Variants in KLHL34 observed in about 807,000 individuals in gnomAD.
KLHL34 encodes kelch like family member 34.
KLHL34 carries 24 observed loss-of-function variants against 23.8 expected under a neutral mutation model. The ratio of observed to expected loss-of-function variants is 1.01; its 90% CI spans 0.73 to 1.42. The LOEUF (loss-of-function observed/expected upper bound fraction) is 1.42, where lower values mean the gene tolerates loss of function less well. KLHL34 is among the 40% of genes most tolerant of loss of function. The pLI, the probability that KLHL34 is intolerant of heterozygous loss-of-function variation, is 0.00. For synonymous variants in KLHL34, 303 were observed against 287.9 expected (o/e 1.05, Z -0.53); for missense variants, 652 against 595.1 (o/e 1.10, Z -0.99).
chrX:21,655,348 C>T lies in KLHL34; in HGVS notation c.*506G>A, dbSNP rs1314227491. 9.0e-6 allele frequency: 1 copy of T among 111,204 alleles called. No homozygotes were observed. The highest frequency in any genetic ancestry group is 1.9e-5 in the Non-Finnish European group (1 of 53,484). 9.2% of individuals were successfully genotyped at this position (111,204 alleles called of 1,213,427 possible). A position where few individuals can be genotyped will look rare whatever the true frequency, so the allele number is the denominator to read the frequency against. On this transcript the variant is annotated 3_prime_UTR_variant, in exon 1 of 1. Transcript: ENST00000379499. ...CTTACAATGATTTCATGGTATTTAA[C>T]CAAGGCACTCTCCTTTCACTATTTA...
At position 21,657,496 on chromosome X, in the gene KLHL34, G is replaced by C; in HGVS notation, c.293C>G (p.Thr98Ser). The C allele has an allele frequency of 8.3e-7, 1 of 1,211,589 alleles. No individual in the cohort carries two copies. The highest frequency in any genetic ancestry group is 1.1e-6 in the Non-Finnish European group (1 of 895,453). ...YTAWLSLSMD[T>S]VEDTLEAASY... ...GGCGGCCTCCAGAGTGTCCTCTACAGTGTCCATGGAAAGCGACAGCCAGGC... is the reference window on the plus strand; with the variant it reads ...GGCGGCCTCCAGAGTGTCCTCTACACTGTCCATGGAAAGCGACAGCCAGGC... The change falls in exon 1 of 1, where the codon ACT (threonine) becomes AGT (serine). Residue 98 changes from threonine (T) to serine (S), a missense_variant. Thr to Ser is a moderately conservative substitution (Grantham distance 58). Coordinates refer to ENST00000379499, the MANE Select transcript of KLHL34 (RefSeq NM_153270.3).
Position 21,656,222 on chromosome X carries a change from C to A in KLHL34, c.1567G>T (p.Val523Leu). The A allele has an allele frequency of 8.4e-7, 1 of 1,192,262 alleles. No homozygotes were observed. The highest frequency in any genetic ancestry group is 1.1e-6 in the Non-Finnish European group (1 of 885,731). Residue 523 changes from valine to leucine, a missense_variant, in exon 1 of 1, where the codon GTG becomes TTG. By Grantham distance (32) the Val-to-Leu change is conservative. Transcript: ENST00000379499. ...AAAGCAAACACAGCGCCGCGCAGCACTGCCATGTGGTGCCCGAAACGTGCG... is the reference window on the plus strand; with the variant it reads ...AAAGCAAACACAGCGCCGCGCAGCAATGCCATGTGGTGCCCGAAACGTGCG... ...GTARFGHHMAVLRGAVFAFLG... is the reference protein window; with the variant it reads ...GTARFGHHMALLRGAVFAFLG...
rs745719849 is a variant in KLHL34, at chrX:21,657,753, G to A, written c.36C>T (p.Gly12=). ...SYFLSYCKAH[G]GALLTGYQAL... ...CCTGGTAGCCGGTGAGCAGCGCGCC[G>A]CCATGAGCTTTGCAGTAAGACAGGA... The change falls in exon 1 of 1, where the codon GGC becomes GGT. Residue 12 remains glycine (G), a synonymous_variant. Transcript: ENST00000379499. 8.3e-7 allele frequency: 1 copy of A among 1,200,520 alleles called. No individual in the cohort carries two copies.
In KLHL34 at chrX:21,656,166, G is replaced by C. The variant is rs750846579; in HGVS notation, c.1623C>G (p.Ile541Met). ...GGTCGGCGCCGGGGTCGTAGCGCTCGATCTCAGAGAAGGGCTCGTATCGCC... is the reference window on the plus strand; with the variant it reads ...GGTCGGCGCCGGGGTCGTAGCGCTCCATCTCAGAGAAGGGCTCGTATCGCC... Reference protein sequence around the residue: ...FLGRYEPFSEIERYDPGADQW... With the variant: ...FLGRYEPFSEMERYDPGADQW... Residue 541 changes from isoleucine (I) to methionine (M), a missense_variant, in exon 1 of 1, where the codon ATC (isoleucine) becomes ATG (methionine). By Grantham distance (10) the Ile-to-Met change is conservative. Coordinates refer to ENST00000379499, the MANE Select transcript of KLHL34 (RefSeq NM_153270.3). The C allele has an allele frequency of 5.2e-5, 61 of 1,173,591 alleles. No individual in the cohort carries two copies. In the Middle Eastern group the frequency reaches 7.0e-4, roughly 13 times the overall value.
In KLHL34 at chrX:21,657,987, A is replaced by C; in HGVS notation, c.-199T>G. 3 of 564,195 alleles carry C rather than the reference A, an allele frequency of 5.3e-6. No individual in the cohort carries two copies. The highest frequency in any genetic ancestry group is 7.8e-6 in the Non-Finnish European group (3 of 385,277). 46.5% of individuals were successfully genotyped at this position (564,195 alleles called of 1,213,427 possible). Reference sequence around the variant, plus strand: ...TCGCCCAGTGCCCCTCTCAGAGCAAATCCAGTCTGGAAACGGTTTTCGGAG... The same window carrying C: ...TCGCCCAGTGCCCCTCTCAGAGCAACTCCAGTCTGGAAACGGTTTTCGGAG... On this transcript the variant is annotated 5_prime_UTR_variant, in exon 1 of 1. Transcript: ENST00000379499.
rs1436234493 is a variant in KLHL34, at chrX:21,655,998, G to C, written c.1791C>G (p.Leu597=). 21 of 1,208,222 alleles carry C rather than the reference G, an allele frequency of 1.7e-5. No individual in the cohort carries two copies. The highest frequency in any genetic ancestry group is 2.3e-5 in the Non-Finnish European group (21 of 894,420). Residue 597 remains leucine, a synonymous_variant, in exon 1 of 1, where the codon CTC becomes CTG. Coordinates refer to ENST00000379499, the MANE Select transcript of KLHL34 (RefSeq NM_153270.3). Reference sequence around the variant, plus strand: ...CGATGTCCTCCCAACGGTCCAGGTCGAGGTCGTAGCCCACTACGTTGCGGG... The same window carrying C: ...CGATGTCCTCCCAACGGTCCAGGTCCAGGTCGTAGCCCACTACGTTGCGGG... ...VPTRNVVGYD[L]DLDRWEDIGC... is the part of the protein sequence containing the mutation.
At position 21,657,618 on chromosome X, in the gene KLHL34, C is replaced by A; in HGVS notation, c.171G>T (p.Leu57=). The change falls in exon 1 of 1, where the codon CTG becomes CTT. Residue 57 remains leucine, a synonymous_variant. Transcript: ENST00000379499. ...LACSSDYFRA[L]FKSHTQESRA... ...GGGATTCCTGGGTGTGGCTCTTGAACAGGGCCCTGAAGTAGTCACTGGAGC... is the reference window on the plus strand; with the variant it reads ...GGGATTCCTGGGTGTGGCTCTTGAAAAGGGCCCTGAAGTAGTCACTGGAGC... The A allele has an allele frequency of 8.3e-7, 1 of 1,209,661 alleles. No individual in the cohort carries two copies. The highest frequency in any genetic ancestry group is 1.1e-6 in the Non-Finnish European group (1 of 895,201).
rs954202139 is a variant in KLHL34, at chrX:21,656,919, T to A, written c.870A>T (p.Ala290=). 2.2e-5 allele frequency: 25 copies of A among 1,159,005 alleles called. No individual in the cohort carries two copies. Among genetic ancestry groups the A allele is most frequent in the Admixed American group, 2.5e-5 (1 of 40,167 alleles). ...CGACCTCCTCAATCACCACCTCCCGTGCCCTGCGCCCCCCCACCAACAAGA... is the reference window on the plus strand; with the variant it reads ...CGACCTCCTCAATCACCACCTCCCGAGCCCTGCGCCCCCCCACCAACAAGA... ...TRILLVGGRR[A]REVVIEEVAA... is the part of the protein sequence containing the mutation. Residue 290 remains alanine (A), a synonymous_variant, in exon 1 of 1, where the codon GCA becomes GCT. Coordinates refer to ENST00000379499, the MANE Select transcript of KLHL34 (RefSeq NM_153270.3).
chrX:21,656,397 G>A lies in KLHL34; in HGVS notation c.1392C>T (p.His464=), dbSNP rs770766945. Residue 464 remains histidine, a synonymous_variant, in exon 1 of 1, where the codon CAC becomes CAT. Transcript: ENST00000379499. The part of the protein sequence containing the change: ...TAAGALPRAL[H]GHAGAVGDRG... ...GGTCCCCGACGGCCCCCGCGTGACC[G>A]TGCAGAGCCCGCGGTAGTGCCCCAG... 1 of 1,195,897 alleles carries A rather than the reference G, an allele frequency of 8.4e-7. No individual in the cohort carries two copies.
rs1187441024 is a variant in KLHL34, at chrX:21,657,351, C to G, written c.438G>C (p.Thr146=). The change falls in exon 1 of 1, where the codon ACG becomes ACC. Residue 146 remains threonine (T), a synonymous_variant. Transcript: ENST00000379499. Reference sequence around the variant, plus strand: ...CGATGCAGCGCTCGGCCGCGTCCAGCGTGTGAGCCAGGCCAAAGCGCGCTG... The same window carrying G: ...CGATGCAGCGCTCGGCCGCGTCCAGGGTGTGAGCCAGGCCAAAGCGCGCTG... ...NVAARFGLAH[T]LDAAERCIVS... 3 of 1,159,865 alleles carry G rather than the reference C, an allele frequency of 2.6e-6. No individual in the cohort carries two copies. Among genetic ancestry groups the G allele is most frequent in the Non-Finnish European group, 3.4e-6 (3 of 870,264 alleles).
chrX:21,657,214 G>A lies in KLHL34; in HGVS notation c.575C>T (p.Pro192Leu). The change falls in exon 1 of 1, where the codon CCC (proline) becomes CTC (leucine). Residue 192 changes from proline to leucine, a missense_variant. Pro to Leu is a moderately conservative substitution (Grantham distance 98). Coordinates refer to ENST00000379499, the MANE Select transcript of KLHL34 (RefSeq NM_153270.3). ...CGCCAGGCCCAGTAGCCGGGCCTCG[G>A]GCACCCGCGCCACGTCGGGGGCACC... ...VLGAPDVARVPEARLLGLALA... is the reference protein window; with the variant it reads ...VLGAPDVARVLEARLLGLALA... 1 of 1,197,839 alleles carries A rather than the reference G, an allele frequency of 8.3e-7. No homozygotes were observed. Among genetic ancestry groups the A allele is most frequent in the South Asian group, 1.8e-5 (1 of 55,075 alleles).
chrX:21,655,844 A>G lies in KLHL34; in HGVS notation c.*10T>C. 1 of 1,166,617 alleles carries G rather than the reference A, an allele frequency of 8.6e-7. No individual in the cohort carries two copies. Among genetic ancestry groups the G allele is most frequent in the Non-Finnish European group, 1.1e-6 (1 of 871,483 alleles). On this transcript the variant is annotated 3_prime_UTR_variant, in exon 1 of 1. Coordinates refer to ENST00000379499, the MANE Select transcript of KLHL34 (RefSeq NM_153270.3). ...CTCCTCCATTGCGGAAGGAAACCGG[A>G]CTGACCCATTCAGCCCAGCACCAAA...
chrX:21,656,633 C>T lies in KLHL34; in HGVS notation c.1156G>A (p.Asp386Asn), dbSNP rs376925949. 6.6e-6 allele frequency: 8 copies of T among 1,210,907 alleles called. No homozygotes were observed. Among genetic ancestry groups the T allele is most frequent in the East Asian group, 3.0e-5 (1 of 33,824 alleles). ...PSGSASSPLADDSRVVTAQVH... is the reference protein window; with the variant it reads ...PSGSASSPLANDSRVVTAQVH... The stretch of plus-strand genomic sequence containing the variant: ...TGGGCCGTGACCACCCGCGAGTCGT[C>T]GGCCAGGGGAGAGGATGCACTGCCG... The change falls in exon 1 of 1, where the codon GAC becomes AAC. Residue 386 changes from aspartate (D) to asparagine (N), a missense_variant. Coordinates refer to ENST00000379499, the MANE Select transcript of KLHL34 (RefSeq NM_153270.3).
Position 21,657,651 on chromosome X carries a change from G to A in KLHL34, c.138C>T (p.Leu46=). The change falls in exon 1 of 1, where the codon CTC becomes CTT. Residue 46 remains leucine, a synonymous_variant. Transcript: ENST00000379499. ...TGAAGTAGTCACTGGAGCACGCCAG[G>A]AGCGACCTGTGCGCCGGGAATTCGC... ...EGSEFPAHRS[L]LACSSDYFRA... The A allele has an allele frequency of 8.3e-7, 1 of 1,207,892 alleles. No individual in the cohort carries two copies. The highest frequency in any genetic ancestry group is 1.1e-6 in the Non-Finnish European group (1 of 895,084).
In KLHL34 at chrX:21,655,798, A is replaced by C; in HGVS notation, c.*56T>G. 1 of 1,120,185 alleles carries C rather than the reference A, an allele frequency of 8.9e-7. No individual in the cohort carries two copies. The highest frequency in any genetic ancestry group is 1.2e-6 in the Non-Finnish European group (1 of 850,712). 92.3% of individuals were successfully genotyped at this position (1,120,185 alleles called of 1,213,427 possible). A position where few individuals can be genotyped will look rare whatever the true frequency, so the allele number is the denominator to read the frequency against. ...GAAAAAGCCCATCCGTTGCTCTGTA[A>C]GACTAACCAAGCGCGACTTTCTCCT... On this transcript the variant is annotated 3_prime_UTR_variant, in exon 1 of 1. Coordinates refer to ENST00000379499, the MANE Select transcript of KLHL34 (RefSeq NM_153270.3).
chrX:21,657,309 C>A lies in KLHL34; in HGVS notation c.480G>T (p.Glu160Asp). The A allele has an allele frequency of 8.6e-7, 1 of 1,158,693 alleles. No individual in the cohort carries two copies. The highest frequency in any genetic ancestry group is 1.1e-6 in the Non-Finnish European group (1 of 870,972). The change falls in exon 1 of 1, where the codon GAG (glutamate) becomes GAT (aspartate). Residue 160 changes from glutamate to aspartate, a missense_variant. Coordinates refer to ENST00000379499, the MANE Select transcript of KLHL34 (RefSeq NM_153270.3). Reference protein sequence around the residue: ...AERCIVSHLQELLARGAGPAG... With the variant: ...AERCIVSHLQDLLARGAGPAG... ...CGGGGCCCGCGCCCCGCGCCAGCAGCTCCTGCAAGTGGCTCACGATGCAGC... is the reference window on the plus strand; with the variant it reads ...CGGGGCCCGCGCCCCGCGCCAGCAGATCCTGCAAGTGGCTCACGATGCAGC...
In KLHL34 at chrX:21,657,242, G is replaced by C. The variant is rs1295029882; in HGVS notation, c.547C>G (p.Leu183Val). The change falls in exon 1 of 1, where the codon CTG becomes GTG. Residue 183 changes from leucine to valine, a missense_variant. By Grantham distance (32) the Leu-to-Val change is conservative. Transcript: ENST00000379499. Reference protein sequence around the residue: ...ELNPTSLRAVLGAPDVARVPE... With the variant: ...ELNPTSLRAVVGAPDVARVPE... ...ACCCGCGCCACGTCGGGGGCACCCAGTACAGCCCTCAGCGATGTAGGGTTG... is the reference window on the plus strand; with the variant it reads ...ACCCGCGCCACGTCGGGGGCACCCACTACAGCCCTCAGCGATGTAGGGTTG... The C allele has an allele frequency of 8.4e-7, 1 of 1,184,871 alleles. No individual in the cohort carries two copies. Among genetic ancestry groups the C allele is most frequent in the African/African-American group, 1.7e-5 (1 of 57,560 alleles).
chrX:21,655,668 C>T lies in KLHL34; in HGVS notation c.*186G>A. On this transcript the variant is annotated 3_prime_UTR_variant, in exon 1 of 1. Transcript: ENST00000379499. ...TAGCCTTCTATTTGACCCCCCGCCC[C>T]GCTGTCTCCCATTCTCAGCTCAAGG... The T allele has an allele frequency of 3.8e-6, 3 of 796,082 alleles. No homozygotes were observed. Among genetic ancestry groups the T allele is most frequent in the Non-Finnish European group, 5.0e-6 (3 of 602,145 alleles). The allele number at this position is 796,082 out of a possible 1,213,427, so 65.6% of individuals were successfully genotyped here.
rs772871282 is a variant in KLHL34 at position 21,657,438 on chromosome X, G to A, written c.351C>T (p.Leu117=). ...GCTGGCGCTCCAAGTAGCGCCCACA[G>A]AGCCCCAGGGCCTCAGTGACCTGCA... The part of the protein sequence containing the change: ...SYLQVTEALG[L]CGRYLERQLA... Residue 117 remains leucine, a synonymous_variant, in exon 1 of 1, where the codon CTC becomes CTT. Transcript: ENST00000379499. 9 of 1,199,881 alleles carry A rather than the reference G, an allele frequency of 7.5e-6. No individual in the cohort carries two copies. In the Admixed American group the frequency reaches 1.1e-4, roughly 15 times the overall value.
Sources: allele counts gnomAD v4.1 joint callset, GRCh38; gene constraint gnomAD v4.1.1; transcripts MANE v1.5; gene names NCBI Gene and HGNC (gene_info 2026-07-23, HGNC 2026-07-21).